The following DAAM1 variants were observed in gnomAD, a reference collection of about 807,000 sequenced individuals.
DAAM1 encodes the protein dishevelled associated activator of morphogenesis 1, also known as disheveled-associated activator of morphogenesis 1.
A neutral mutation model predicts 130.0 loss-of-function variants in DAAM1; 52 were observed. That is an observed-to-expected ratio of 0.40 (90% CI 0.32 to 0.50). The LOEUF is 0.50. DAAM1 is among the 20% of genes least tolerant of loss of function. DAAM1 has a pLI of 0.61. For synonymous variants in DAAM1, 452 were observed against 444.5 expected, an observed-to-expected ratio of 1.02 and a Z score of -0.21; for missense variants, 1,134 against 1,303.8, an observed-to-expected ratio of 0.87 and a Z score of 2.01.
chr14:59,329,643 C>T (rs1438921466), intron 12 of DAAM1, among the ~76,000 whole-genome samples: 1 of 152,150 alleles, frequency 6.6e-6, no homozygotes, highest in African/African-American at 2.4e-5. Flanking sequence ...AAATAAAAAT[C>T]CGCAGCCTAA....
chr14:59,234,024 G>T (rs529738762), intron 1 of DAAM1, among the ~76,000 whole-genome samples: 18 of 152,266 alleles, frequency 1.2e-4, no homozygotes, highest in Non-Finnish European at 1.5e-4. Flanking sequence ...TGCTGTTTTG[G>T]TTACTGTAGC....
At chr14:59,281,273 A>T (rs1489653846) in intron 2 of DAAM1, among the ~76,000 whole-genome samples, 1 of 152,174 alleles carries the variant, frequency 6.6e-6, no homozygotes, top group Admixed American at 6.5e-5. Context: ...TCAACTGTTC[A>T]GTAGATAAGA....
At chr14:59,279,605 A>G (rs1027898615) in intron 2 of DAAM1, among the ~76,000 whole-genome samples, 1 of 152,216 alleles carries the variant, frequency 6.6e-6, no homozygotes, top group Non-Finnish European at 1.5e-5. Context: ...GGGACTGGAG[A>G]TTCAAACATA....
intron 19 of DAAM1, among the ~76,000 whole-genome samples, chr14:59,354,351 C>CGCCTG (rs1434146068): frequency 6.6e-6 from 1 of 152,156 alleles, no homozygotes; most frequent in Non-Finnish European, 1.5e-5. Context: ...TGAGCCACTG[C>CGCCTG]GCCTGGCCTG....
chr14:59,288,021 A>G (rs887330078), intron 2 of DAAM1, among the ~76,000 whole-genome samples: 1 of 152,212 alleles, frequency 6.6e-6, no homozygotes, highest in Non-Finnish European at 1.5e-5. Context: ...ACTTCAAACT[A>G]TACAGCAAGG....
In DAAM1 at chr14:59,363,681, C is replaced by G. The variant is rs1886801421; in HGVS notation, c.2725C>G (p.Gln909Glu). The G allele has an allele frequency of 3.7e-6, 6 of 1,614,152 alleles. No homozygotes were observed. The highest frequency in any genetic ancestry group is 5.1e-6 in the Non-Finnish European group (6 of 1,179,994). Residue 909 changes from glutamine (Q) to glutamate (E), a missense_variant, in exon 23 of 25, where the codon CAG becomes GAG. By Grantham distance (29) the Gln-to-Glu change is conservative (BLOSUM62 2). Coordinates refer to ENST00000360909, the MANE Select transcript of DAAM1 (RefSeq NM_001270520.2). ...ELEYQKSQPP[Q>E]PGDKFVSVVS... ...GGAATATCAGAAGTCTCAGCCCCCA[C>G]AGCCCGGAGATAAGTTTGTGTCTGT...
chr14:59,354,672 T>C (rs1165716635), intron 19 of DAAM1, among the ~76,000 whole-genome samples: 1 of 152,238 alleles, frequency 6.6e-6, no homozygotes, highest in African/African-American at 2.4e-5. Context: ...GCAAGGCAAC[T>C]GAAGAGCACA....
At chr14:59,271,037 A>G (rs1882687830) in intron 2 of DAAM1, among the ~76,000 whole-genome samples, 1 of 152,210 alleles carries the variant, frequency 6.6e-6, no homozygotes, top group African/African-American at 2.4e-5. Flanking sequence ...CACTGAATTT[A>G]TGGCTAGTTG....
At chr14:59,279,098 T>A in intron 2 of DAAM1, among the ~76,000 whole-genome samples, 1 of 152,190 alleles carries the variant, frequency 6.6e-6, no homozygotes, top group Non-Finnish European at 1.5e-5. Context: ...AGAATTCACC[T>A]CTTGTAATTG....
intron 2 of DAAM1, chr14:59,264,076 T>C (rs1882317887): frequency 4.8e-6 from 1 of 210,160 alleles, no homozygotes; most frequent in African/African-American, 2.3e-5. Flanking sequence ...AGTATTAACG[T>C]ATTTTTAAAA....
rs1226701086 is a variant in DAAM1, at chr14:59,325,761, T to G, written c.1056+31T>G. ...TATGCTTACAATTATTCTGGTTTGA[T>G]TCATCAGTTCACATTATTTCTGTCT... On this transcript the variant is annotated intron_variant, in intron 9 of 24. Transcript: ENST00000360909. 3.7e-6 allele frequency: 6 copies of G among 1,609,860 alleles called. No homozygotes were observed. In the Admixed American group the frequency reaches 8.3e-5, roughly 22 times the overall value.
chr14:59,282,332 A>G (rs904734314), intron 2 of DAAM1, among the ~76,000 whole-genome samples: 10 of 152,292 alleles, frequency 6.6e-5, no homozygotes, highest in South Asian at 4.1e-4. Context: ...GCCTATCACA[A>G]TGCCTGGAAT....
intron 1 of DAAM1, among the ~76,000 whole-genome samples, chr14:59,247,770 A>G (rs1267101875): frequency 6.6e-6 from 1 of 151,744 alleles, no homozygotes; most frequent in East Asian, 1.9e-4. Context: ...TTCCTTCTCT[A>G]GAAGGAGCCA....
chr14:59,361,210 A>G (rs1886692044), intron 22 of DAAM1, among the ~76,000 whole-genome samples: 5 of 152,192 alleles, frequency 3.3e-5, no homozygotes, highest in Non-Finnish European at 7.3e-5. Context: ...TATGGTGTTC[A>G]CTTTCGGTAG....
intron 1 of DAAM1, among the ~76,000 whole-genome samples, chr14:59,223,001 G>A (rs1344755216): frequency 1.3e-5 from 2 of 152,214 alleles, no homozygotes; most frequent in African/African-American, 4.8e-5. Flanking sequence ...CTATAATACT[G>A]CAACTGTCCA....
chr14:59,315,922 G>T (rs909591615), intron 4 of DAAM1, among the ~76,000 whole-genome samples: 1 of 152,184 alleles, frequency 6.6e-6, no homozygotes, highest in African/African-American at 2.4e-5. Context: ...TACATGGATT[G>T]TTGGTTCAGT....
At chr14:59,208,887 C>T (rs61986022) in intron 1 of DAAM1, among the ~76,000 whole-genome samples, 3 of 152,016 alleles carry the variant, frequency 2.0e-5, no homozygotes, top group Non-Finnish European at 4.4e-5. Flanking sequence ...CTTTCTCTTG[C>T]TCCTTCTCTG....
chr14:59,233,865 C>T (rs984703947), intron 1 of DAAM1, among the ~76,000 whole-genome samples: 3 of 152,180 alleles, frequency 2.0e-5, no homozygotes, highest in Non-Finnish European at 2.9e-5. Context: ...CCAGTTTTCC[C>T]AGCACAATTT....
At chr14:59,268,498 C>T (rs1882563526) in intron 2 of DAAM1, among the ~76,000 whole-genome samples, 1 of 152,192 alleles carries the variant, frequency 6.6e-6, no homozygotes, top group African/African-American at 2.4e-5. Flanking sequence ...TCTTTGCCAA[C>T]ACTTGTTCTT....
Sources: gnomAD v4.1 joint callset for allele counts (sites outside exome capture counted in the v4.1 genomes callset) on GRCh38, gnomAD v4.1.1 for gene constraint, MANE v1.5 for transcripts, NCBI Gene and HGNC (gene_info 2026-07-23, HGNC 2026-07-21) for gene names.